Variants in PTK2 observed in about 807,000 individuals in gnomAD.
The protein encoded by PTK2 is focal adhesion kinase 1.
A neutral mutation model predicts 150.1 loss-of-function variants in PTK2; 45 were observed. The observed-to-expected ratio is 0.30, with a 90% CI of 0.24 to 0.38. PTK2 has a LOEUF of 0.38. Ranked by LOEUF, PTK2 falls within the 10% of genes least tolerant of loss-of-function variation. The pLI, the probability that PTK2 is intolerant of heterozygous loss-of-function variation, is 1.00. For synonymous variants in PTK2, 432 were observed against 449.2 expected, an observed-to-expected ratio of 0.96 and a Z score of 0.48; for missense variants, 919 against 1,307.3, an observed-to-expected ratio of 0.70 and a Z score of 4.58.
intron 3 of PTK2, among the ~76,000 whole-genome samples, chr8:140,888,901 A>G (rs2154607332): frequency 6.6e-6 from 1 of 152,358 alleles, no homozygotes; most frequent in South Asian, 2.1e-4. Flanking sequence ...AAATCTACAA[A>G]GACTAGAACA....
intron 1 of PTK2, among the ~76,000 whole-genome samples, chr8:140,945,721 T>G (rs2100177469): frequency 1.3e-5 from 2 of 152,192 alleles, no homozygotes; most frequent in South Asian, 4.1e-4. Context: ...TAAAAGCTCT[T>G]CAGGGCAAAG....
At chr8:140,794,029 TCTTTCC>T (rs1188371406) in intron 12 of PTK2, among the ~76,000 whole-genome samples, 1 of 152,208 alleles carries the variant, frequency 6.6e-6, no homozygotes, top group Non-Finnish European at 1.5e-5. Context: ...GGAAACGCTT[TCTTTCC>T]CTCAGCCTTC....
intron 14 of PTK2, among the ~76,000 whole-genome samples, chr8:140,787,141 T>C (rs575551158): frequency 6.6e-6 from 1 of 152,060 alleles, no homozygotes; most frequent in Non-Finnish European, 1.5e-5. Context: ...TCTAAGAGCA[T>C]GGAGAAGGTA....
chr8:140,673,282 G>A (rs948976299), intron 29 of PTK2, among the ~76,000 whole-genome samples: 3 of 151,924 alleles, frequency 2.0e-5, no homozygotes, highest in Non-Finnish European at 4.4e-5. Flanking sequence ...TAATTTCTTT[G>A]TATTTTTAGT....
chr8:140,867,022 C>G (rs1275901370), intron 4 of PTK2, among the ~76,000 whole-genome samples: 1 of 152,042 alleles, frequency 6.6e-6, no homozygotes, highest in Non-Finnish European at 1.5e-5. Context: ...TATGAAAAGG[C>G]CCTGCAGCTG....
intron 4 of PTK2, among the ~76,000 whole-genome samples, chr8:140,871,043 GAATT>G (rs1042526346): frequency 6.6e-6 from 1 of 152,038 alleles, no homozygotes; most frequent in African/African-American, 2.4e-5. Context: ...CTACAACAAA[GAATT>G]ATTTGGCCAA....
chr8:140,849,201 A>G (rs2100127574), intron 5 of PTK2, among the ~76,000 whole-genome samples: 2 of 152,108 alleles, frequency 1.3e-5, no homozygotes, highest in South Asian at 2.1e-4. Context: ...TGCAAAGAGT[A>G]TAGATCTGAG....
chr8:140,780,405 G>T (rs570180096), intron 14 of PTK2, among the ~76,000 whole-genome samples: 1 of 152,160 alleles, frequency 6.6e-6, no homozygotes, highest in East Asian at 1.9e-4. Flanking sequence ...TTGTGGGGAG[G>T]GGGGGAATCA....
chr8:140,944,186 T>C (rs988607478), intron 1 of PTK2, among the ~76,000 whole-genome samples: 5 of 152,230 alleles, frequency 3.3e-5, no homozygotes, highest in African/African-American at 7.2e-5. Flanking sequence ...ATCAAAATTT[T>C]CCCTGTTTTG....
chr8:140,839,518 G>C (rs78388930), intron 7 of PTK2, among the ~76,000 whole-genome samples: 4 of 152,134 alleles, frequency 2.6e-5, no homozygotes, highest in Non-Finnish European at 5.9e-5. Flanking sequence ...GGGCATACCA[G>C]AGGTTACCAA....
At chr8:140,980,122 G>C (rs1219695058) in intron 1 of PTK2, among the ~76,000 whole-genome samples, 2 of 152,208 alleles carry the variant, frequency 1.3e-5, no homozygotes, top group Admixed American at 1.3e-4. Context: ...TGAGCAATAA[G>C]AGTGTTCACA....
At chr8:140,685,824 T>C (rs2100019455) in intron 27 of PTK2, among the ~76,000 whole-genome samples, 1 of 152,268 alleles carries the variant, frequency 6.6e-6, no homozygotes, top group Admixed American at 6.5e-5. Context: ...GGAAAGCAAT[T>C]TGGCGATGTC....
intron 8 of PTK2, among the ~76,000 whole-genome samples, chr8:140,829,308 G>T (rs2100113866): frequency 6.6e-6 from 1 of 152,128 alleles, no homozygotes; most frequent in Admixed American, 6.5e-5. Context: ...TGGACTCAGG[G>T]AAACAGTGAC....
intron 14 of PTK2, among the ~76,000 whole-genome samples, chr8:140,784,201 G>A (rs2100083541): frequency 6.6e-6 from 1 of 152,166 alleles, no homozygotes; most frequent in Admixed American, 6.5e-5. Context: ...TTAGCATGAA[G>A]GGCTTAGAGA....
intron 1 of PTK2, among the ~76,000 whole-genome samples, chr8:140,938,055 C>T (rs1185782769): frequency 1.3e-5 from 2 of 152,220 alleles, no homozygotes; most frequent in Non-Finnish European, 2.9e-5. Flanking sequence ...AAGAAGACAA[C>T]ACAACCTCCT....
At chr8:140,768,151 T>C (rs764337111) in intron 14 of PTK2, among the ~76,000 whole-genome samples, 1 of 152,172 alleles carries the variant, frequency 6.6e-6, no homozygotes, top group African/African-American at 2.4e-5. Context: ...TATATTGTCA[T>C]TTAATCCTCA....
At chr8:140,853,562 T>G (rs537939748) in intron 5 of PTK2, among the ~76,000 whole-genome samples, 6 of 152,202 alleles carry the variant, frequency 3.9e-5, no homozygotes, top group African/African-American at 1.2e-4. Context: ...GGTGTATATG[T>G]GCCACATTTT....
chr8:140,674,721 A>G (rs761170849), intron 28 of PTK2, among the ~76,000 whole-genome samples: 1 of 151,160 alleles, frequency 6.6e-6, no homozygotes, highest in Non-Finnish European at 1.5e-5. Flanking sequence ...CCTAGGCAAC[A>G]AGAACAAAAC....
chr8:140,681,751 T>TCG (rs2100017108), intron 27 of PTK2, among the ~76,000 whole-genome samples: 7 of 152,200 alleles, frequency 4.6e-5, no homozygotes, highest in African/African-American at 1.7e-4. Flanking sequence ...CACTCCAGCC[T>TCG]GGGCCACAGA....
Sources: gnomAD v4.1 joint callset for allele counts (sites outside exome capture counted in the v4.1 genomes callset) on GRCh38, gnomAD v4.1.1 for gene constraint, MANE v1.5 for transcripts, NCBI Gene and HGNC (gene_info 2026-07-23, HGNC 2026-07-21) for gene names.